Variants in ZNF385D observed in about 807,000 individuals in gnomAD.
The protein encoded by ZNF385D is zinc finger protein 659.
A neutral mutation model predicts 35.8 loss-of-function variants in ZNF385D; 15 were observed. That is an observed-to-expected ratio of 0.42 (90% confidence interval 0.28 to 0.64). The LOEUF is 0.64. ZNF385D is among the 30% of genes least tolerant of loss of function. ZNF385D has a pLI of 0.23. For missense variants in ZNF385D, 474 were observed against 494.6 expected (o/e 0.96, Z 0.39); for synonymous variants, 212 against 186.8 (o/e 1.13, Z -1.10).
intron 3 of ZNF385D, among the ~76,000 whole-genome samples, chr3:21,821,994 G>C (rs1199297697): frequency 1.4e-5 from 2 of 147,764 alleles, no homozygotes; most frequent in Non-Finnish European, 1.5e-5. Context: ...AATTTAAAAA[G>C]CTGGTTTAGC....
At chr3:21,673,625 T>A (rs548571646) in intron 1 of ZNF385D, among the ~76,000 whole-genome samples, 30 of 152,216 alleles carry the variant, frequency 2.0e-4, no homozygotes, top group Non-Finnish European at 4.1e-4. Flanking sequence ...GAGATGACCA[T>A]GGCAGTCTAT....
chr3:21,628,144 A>G (rs1387561733), intron 2 of ZNF385D, among the ~76,000 whole-genome samples: 1 of 152,108 alleles, frequency 6.6e-6, no homozygotes, highest in East Asian at 1.9e-4. Flanking sequence ...AAGTTTCAAA[A>G]GCATGGAGGG....
chr3:22,111,336 G>A (rs565113989), intron 3 of ZNF385D, among the ~76,000 whole-genome samples: 1 of 151,960 alleles, frequency 6.6e-6, no homozygotes, highest in Admixed American at 6.6e-5. Flanking sequence ...TACTAAATAT[G>A]TATGAGAGCT....
intron 3 of ZNF385D, among the ~76,000 whole-genome samples, chr3:21,964,783 C>A (rs796799900): frequency 2.1e-5 from 3 of 142,928 alleles, no homozygotes; most frequent in African/African-American, 9.1e-5. Flanking sequence ...TGAGCCACTG[C>A]GCCCAGCCTA....
chr3:22,313,637 T>A (rs1307602571), intron 2 of ZNF385D, among the ~76,000 whole-genome samples: 1 of 152,104 alleles, frequency 6.6e-6, no homozygotes, highest in South Asian at 2.1e-4. Context: ...TACAAGTGTA[T>A]AATTCATAAT....
chr3:21,933,515 T>C (rs762552247), intron 3 of ZNF385D, among the ~76,000 whole-genome samples: 1 of 152,218 alleles, frequency 6.6e-6, no homozygotes, highest in Non-Finnish European at 1.5e-5. Flanking sequence ...TATAATTACC[T>C]GAGCATCTCA....
intron 3 of ZNF385D, among the ~76,000 whole-genome samples, chr3:21,973,144 G>A (rs1703372626): frequency 6.6e-6 from 1 of 151,808 alleles, no homozygotes. Flanking sequence ...TATCCCCGAT[G>A]AACACTGACG....
chr3:21,421,365 G>T lies in ZNF385D; in HGVS notation c.1037C>A (p.Ala346Glu). 6.2e-7 allele frequency: 1 copy of T among 1,613,004 alleles called. No individual in the cohort carries two copies. Among genetic ancestry groups the T allele is most frequent in the Non-Finnish European group, 8.5e-7 (1 of 1,179,540 alleles). The change falls in exon 8 of 8, where the codon GCA becomes GAA. Residue 346 changes from alanine (A) to glutamate (E), a missense_variant. Physicochemically the swap from Ala to Glu is moderately radical, Grantham distance 107. Coordinates refer to ENST00000281523, the MANE Select transcript of ZNF385D (RefSeq NM_024697.3). The stretch of plus-strand genomic sequence containing the variant: ...GGGGGAACTCACTGCCACTGCTGCT[G>T]CGGCTGCTGCAGCTGCTAGAGGATT... ...LPNPLAAAAAAAAVAVSSPFS... is the reference protein window; with the variant it reads ...LPNPLAAAAAEAAVAVSSPFS...
At chr3:21,570,584 T>A (rs73819310) in intron 2 of ZNF385D, among the ~76,000 whole-genome samples, 2,088 of 152,328 alleles carry the variant, frequency 0.014, 47 homozygotes, top group African/African-American at 0.047. Context: ...TCATCTGGTA[T>A]TTGTATGTAA....
intron 1 of ZNF385D, among the ~76,000 whole-genome samples, chr3:21,718,750 T>C (rs1221046191): frequency 6.6e-6 from 1 of 152,156 alleles, no homozygotes; most frequent in Non-Finnish European, 1.5e-5. Flanking sequence ...AAAACTAAAA[T>C]GATTAAAGTA....
intron 2 of ZNF385D, among the ~76,000 whole-genome samples, chr3:21,659,673 C>T (rs147222312): frequency 2.4e-3 from 365 of 152,148 alleles, no homozygotes; most frequent in East Asian, 0.021. Context: ...ACACAAACAC[C>T]GGAAGGTAAG....
intron 3 of ZNF385D, among the ~76,000 whole-genome samples, chr3:21,543,906 T>G (rs1455771886): frequency 1.3e-5 from 2 of 152,196 alleles, no homozygotes; most frequent in Non-Finnish European, 2.9e-5. Flanking sequence ...TTAGCAATCC[T>G]GCCTTAGGAA....
rs116397697 is a variant in ZNF385D, at chr3:22,089,015, T to C, written c.325+79802A>G. The stretch of plus-strand genomic sequence containing the variant: ...AAATTGTAACATTTACATCGTATTA[T>C]TTTTCCCTTACCCAGGAGGTAGGGA... On this transcript the variant is annotated intron_variant, in intron 3 of 5. Coordinates refer to the ZNF385D transcript ENST00000494108. 4.3e-3 allele frequency among the ~76,000 whole-genome samples: 658 copies of C among 152,268 alleles called. 6 individuals carry two copies. The highest frequency in any genetic ancestry group is 0.015 in the African/African-American group (611 of 41,558).
rs531799512 is a variant in ZNF385D at position 21,520,829 on chromosome 3, C to T, written c.277-9806G>A. Among the ~76,000 whole-genome samples the T allele has an allele frequency of 3.3e-5, 5 of 152,220 alleles. No homozygotes were observed. In the South Asian group the frequency reaches 6.2e-4, roughly 19 times the overall value. On this transcript the variant is annotated intron_variant, in intron 3 of 7. Transcript: ENST00000281523. Reference sequence around the variant, plus strand: ...TATGCACATAAAAATGTTCAGTACTCGGGAAATGCTAGTCCTTTGTTAACA... The same window carrying T: ...TATGCACATAAAAATGTTCAGTACTTGGGAAATGCTAGTCCTTTGTTAACA...
intron 3 of ZNF385D, among the ~76,000 whole-genome samples, chr3:21,518,016 A>G (rs1051909182): frequency 8.5e-5 from 13 of 152,288 alleles, no homozygotes; most frequent in African/African-American, 3.1e-4. Context: ...AGTAATGGGT[A>G]CTTTACAAGC....
In ZNF385D at chr3:21,517,103, G is replaced by A. The variant is rs112723885; in HGVS notation, c.277-6080C>T. On this transcript the variant is annotated intron_variant, in intron 3 of 7. Coordinates refer to ENST00000281523, the MANE Select transcript of ZNF385D (RefSeq NM_024697.3). ...GCTTAAAATTTTATCTTTTTTTAAT[G>A]TTGATAATATATATTACTGTTTATG... is the stretch of plus-strand genomic sequence containing the variant. 4.4e-3 allele frequency among the ~76,000 whole-genome samples: 665 copies of A among 151,610 alleles called. 3 individuals are homozygous for A. The highest frequency in any genetic ancestry group is 0.015 in the African/African-American group (627 of 41,342).
intron 3 of ZNF385D, among the ~76,000 whole-genome samples, chr3:21,974,914 A>G (rs1354304838): frequency 6.6e-6 from 1 of 152,196 alleles, no homozygotes; most frequent in Admixed American, 6.5e-5. Context: ...AAGACAGACA[A>G]TAGCAAATGC....
At chr3:21,504,200 TGAAGGGCCATTA>T (rs996147568) in intron 4 of ZNF385D, among the ~76,000 whole-genome samples, 2 of 152,154 alleles carry the variant, frequency 1.3e-5, no homozygotes, top group African/African-American at 2.4e-5. Context: ...TGATAGTCAC[TGAAGGGCCATTA>T]GAAATGTCAA....
At chr3:21,614,569 C>A (rs2064785835) in intron 2 of ZNF385D, among the ~76,000 whole-genome samples, 1 of 152,038 alleles carries the variant, frequency 6.6e-6, no homozygotes, top group Non-Finnish European at 1.5e-5. Context: ...TGTTTTCCAG[C>A]CAGCCCTGAA....
Sources: gnomAD v4.1 joint callset for allele counts (sites outside exome capture counted in the v4.1 genomes callset) on GRCh38, gnomAD v4.1.1 for gene constraint, MANE v1.5 for transcripts, NCBI Gene and HGNC (gene_info 2026-07-23, HGNC 2026-07-21) for gene names.